Variants in SHC4 observed in about 807,000 individuals in gnomAD.
SHC4 encodes SHC-transforming protein 4.
A neutral mutation model predicts 69.4 loss-of-function variants in SHC4; 41 were observed. The ratio of observed to expected loss-of-function variants is 0.59; its 90% CI spans 0.46 to 0.77. SHC4 has a LOEUF of 0.77. Ranked by LOEUF, SHC4 falls within the 30% of genes least tolerant of loss-of-function variation. The probability of loss-of-function intolerance (pLI) is 0.00; values close to 1 mark genes in which losing one functional copy is unlikely to be tolerated. For synonymous variants in SHC4, 318 were observed against 299.3 expected, an observed-to-expected ratio of 1.06 and a Z score of -0.64; for missense variants, 777 against 783.8, an observed-to-expected ratio of 0.99 and a Z score of 0.10.
chr15:48,924,870 G>C lies in SHC4; in HGVS notation c.656+9C>G. 1 of 1,613,834 alleles carries C rather than the reference G, an allele frequency of 6.2e-7. No homozygotes were observed. Among genetic ancestry groups the C allele is most frequent in the Admixed American group, 1.7e-5 (1 of 60,000 alleles). ...CTCCTCAAAGCCCCTCCCATTTTTG[G>C]CTTCTTACCTTGTAACTTGGGTTCT... is the stretch of plus-strand genomic sequence containing the variant. On this transcript the variant is annotated intron_variant, in intron 2 of 11. Transcript: ENST00000332408.
chr15:48,869,938 A>T, intron 5 of SHC4, among the ~76,000 whole-genome samples: 1 of 152,314 alleles, frequency 6.6e-6, no homozygotes, highest in Middle Eastern at 3.4e-3. Flanking sequence ...TGTTTTTTAT[A>T]GGAACAGTGG....
chr15:48,883,503 G>A (rs553635089), intron 4 of SHC4, among the ~76,000 whole-genome samples: 1 of 152,246 alleles, frequency 6.6e-6, no homozygotes, highest in South Asian at 2.1e-4. Flanking sequence ...AAGAAACTTG[G>A]ATCACAACAT....
At chr15:48,883,302 T>C (rs1024860625) in intron 4 of SHC4, among the ~76,000 whole-genome samples, 3 of 152,176 alleles carry the variant, frequency 2.0e-5, no homozygotes, top group African/African-American at 7.2e-5. Flanking sequence ...AGAAACCTTA[T>C]AAATAAGTAC....
In SHC4 at chr15:48,824,495, C is replaced by T. The variant is rs1245001146; in HGVS notation, c.*1476G>A. On this transcript the variant is annotated 3_prime_UTR_variant, in exon 12 of 12. Transcript: ENST00000332408. ...TTTTCTGCTACTCAAACCAAATCCA[C>T]TTTTATCATCATTCCCTATATTCCA... 2 of 151,896 alleles carry T rather than the reference C, an allele frequency of 1.3e-5. No individual in the cohort carries two copies. The highest frequency in any genetic ancestry group is 3.9e-4 in the East Asian group (2 of 5,178). The allele number at this position is 151,896 out of a possible 1,614,324, so 9.4% of individuals were successfully genotyped here.
intron 1 of SHC4, among the ~76,000 whole-genome samples, chr15:48,943,475 C>T (rs187140898): frequency 3.6e-4 from 55 of 152,132 alleles, no homozygotes; most frequent in African/African-American, 1.3e-3. Context: ...TGTATATATA[C>T]CACAATTTCT....
chr15:48,846,851 C>T (rs941939810), intron 9 of SHC4, among the ~76,000 whole-genome samples: 2 of 152,154 alleles, frequency 1.3e-5, no homozygotes, highest in South Asian at 2.1e-4. Context: ...AGGGTGCTAA[C>T]GCATCTGCCC....
At chr15:48,854,687 G>A (rs1457782231) in intron 8 of SHC4, among the ~76,000 whole-genome samples, 2 of 152,098 alleles carry the variant, frequency 1.3e-5, no homozygotes, top group African/African-American at 2.4e-5. Context: ...TGCTGCTGGA[G>A]GCCATTATCC....
chr15:48,955,907 T>A (rs184500793), intron 1 of SHC4, among the ~76,000 whole-genome samples: 1 of 152,158 alleles, frequency 6.6e-6, no homozygotes, highest in African/African-American at 2.4e-5. Flanking sequence ...TGGGGGCAAG[T>A]CACTTCACAT....
Position 48,962,646 on chromosome 15 carries a change from C to G in SHC4, c.370G>C (p.Asp124His), listed in dbSNP as rs747773280. The stretch of plus-strand genomic sequence containing the variant: ...GAAGAGGGGCCGCTGGAACCTGGGT[C>G]CCGGCTTTCCTGGAGCTTCAGCCGA... ...VPRLKLQESR[D>H]PGSSGPSSPE... Residue 124 changes from aspartate to histidine, a missense_variant, in exon 1 of 12, where the codon GAC (aspartate) becomes CAC (histidine). Physicochemically the swap from Asp to His is moderately conservative, Grantham distance 81. Transcript: ENST00000332408. The G allele has an allele frequency of 1.2e-6, 2 of 1,614,206 alleles. No homozygotes were observed. The highest frequency in any genetic ancestry group is 3.3e-5 in the Admixed American group (2 of 60,022).
chr15:48,936,534 C>T (rs11070666), intron 1 of SHC4, among the ~76,000 whole-genome samples: 3 of 151,908 alleles, frequency 2.0e-5, no homozygotes, highest in East Asian at 1.9e-4. Context: ...ATTCCCAGTC[C>T]GCTTAAAGTA....
chr15:48,878,427 A>C, intron 4 of SHC4: 2 of 1,612,602 alleles, frequency 1.2e-6, no homozygotes, highest in Non-Finnish European at 1.7e-6. Flanking sequence ...GCTGGGGAGC[A>C]GCCAGGCCAG....
intron 1 of SHC4, among the ~76,000 whole-genome samples, chr15:48,957,803 G>C (rs1901479450): frequency 6.6e-6 from 1 of 152,202 alleles, no homozygotes; most frequent in South Asian, 2.1e-4. Context: ...GATTATATTA[G>C]ATGAGAGTGA....
At chr15:48,947,474 A>T (rs1432137578) in intron 1 of SHC4, 1 of 152,244 alleles carries the variant, frequency 6.6e-6, no homozygotes. Flanking sequence ...AAAAAGTCTG[A>T]AAGAATACAA....
chr15:48,928,197 T>A (rs1336124288), intron 1 of SHC4, among the ~76,000 whole-genome samples: 1 of 152,086 alleles, frequency 6.6e-6, no homozygotes, highest in Admixed American at 6.6e-5. Context: ...TTTCTAGATT[T>A]CTCAGCAATG....
At chr15:48,921,112 G>C (rs1380961718) in intron 2 of SHC4, among the ~76,000 whole-genome samples, 4 of 152,184 alleles carry the variant, frequency 2.6e-5, no homozygotes, top group Non-Finnish European at 5.9e-5. Context: ...GTACAATAGA[G>C]AGTAGTATTG....
intron 9 of SHC4, among the ~76,000 whole-genome samples, chr15:48,847,997 C>T (rs1033972499): frequency 6.5e-5 from 9 of 139,342 alleles, no homozygotes; most frequent in Middle Eastern, 3.5e-3. Flanking sequence ...AGCAAAACTC[C>T]GTCTAAAAAA....
At chr15:48,889,800 C>A (rs1900102009) in intron 3 of SHC4, among the ~76,000 whole-genome samples, 1 of 152,168 alleles carries the variant, frequency 6.6e-6, no homozygotes. Flanking sequence ...GCCGAGATCG[C>A]ACCATTGCAC....
chr15:48,933,215 T>G (rs190992882), intron 1 of SHC4, among the ~76,000 whole-genome samples: 1 of 152,304 alleles, frequency 6.6e-6, no homozygotes, highest in East Asian at 1.9e-4. Context: ...GACCCTGTGA[T>G]TTTTCAAAAG....
At chr15:48,893,401 C>T (rs1900168299) in intron 2 of SHC4, among the ~76,000 whole-genome samples, 1 of 152,138 alleles carries the variant, frequency 6.6e-6, no homozygotes, top group African/African-American at 2.4e-5. Flanking sequence ...AGACTTTGCT[C>T]TTTTGCAAGT....
Sources: gnomAD v4.1 joint callset for allele counts (sites outside exome capture counted in the v4.1 genomes callset) on GRCh38, gnomAD v4.1.1 for gene constraint, MANE v1.5 for transcripts, NCBI Gene and HGNC (gene_info 2026-07-23, HGNC 2026-07-21) for gene names.